The following ERBB4 variants were observed in gnomAD, a reference collection of about 807,000 sequenced individuals.
ERBB4 encodes the protein erb-b2 receptor tyrosine kinase 4, also known as receptor tyrosine-protein kinase erbB-4.
ERBB4 carries 42 observed loss-of-function variants against 158.0 expected under a neutral mutation model. That is an observed-to-expected ratio of 0.27 (90% CI 0.21 to 0.34). The LOEUF is 0.34. Among genes scored for constraint, ERBB4 ranks in the 10% least tolerant of loss-of-function variants. The pLI, the probability that ERBB4 is intolerant of heterozygous loss-of-function variation, is 1.00. For missense variants in ERBB4, 1,333 were observed against 1,624.1 expected (o/e 0.82, Z 3.08); for synonymous variants, 583 against 558.7 (o/e 1.04, Z -0.61).
At chr2:211,923,952 C>T (rs116722102) in intron 3 of ERBB4, among the ~76,000 whole-genome samples, 47 of 152,044 alleles carry the variant, frequency 3.1e-4, no homozygotes, top group Non-Finnish European at 5.6e-4. Context: ...GAACTCCTGG[C>T]CTCACTTGAT....
At chr2:212,156,321 A>G (rs6737841) in intron 1 of ERBB4, among the ~76,000 whole-genome samples, 1,536 of 152,220 alleles carry the variant, frequency 0.01, 10 homozygotes, top group Middle Eastern at 0.031. Context: ...TGACTTATTG[A>G]CCCAGTTCAT....
intron 4 of ERBB4, among the ~76,000 whole-genome samples, chr2:211,753,063 T>A (rs2106215982): frequency 6.6e-6 from 1 of 152,368 alleles, no homozygotes; most frequent in Middle Eastern, 3.4e-3. Flanking sequence ...TTAGTTTTAC[T>A]CTTCAAAATG....
chr2:211,488,206 A>G (rs1407913434), intron 20 of ERBB4, among the ~76,000 whole-genome samples: 1 of 152,122 alleles, frequency 6.6e-6, no homozygotes, highest in Non-Finnish European at 1.5e-5. Context: ...CCAATACTCA[A>G]CGGAATGGCT....
chr2:211,665,691 T>C (rs1157834287), intron 14 of ERBB4, among the ~76,000 whole-genome samples: 4 of 152,220 alleles, frequency 2.6e-5, no homozygotes, highest in Non-Finnish European at 5.9e-5. Context: ...ATATCCTGTA[T>C]GTGTGAAAAC....
Position 211,943,057 on chromosome 2 carries a change from C to T in ERBB4, c.421+4373G>A, listed in dbSNP as rs142270790. Among the ~76,000 whole-genome samples the T allele has an allele frequency of 3.8e-3, 583 of 151,942 alleles. 7 individuals are homozygous for T. Among genetic ancestry groups the T allele is most frequent in the African/African-American group, 0.013 (544 of 41,440 alleles). ...ATAAGAACTTAAGTATTTATCTTCC[C>T]ATTTGGGATATAAATAGATATAAAC... On this transcript the variant is annotated intron_variant, in intron 3 of 27. Coordinates refer to ENST00000342788, the MANE Select transcript of ERBB4 (RefSeq NM_005235.3).
intron 2 of ERBB4, among the ~76,000 whole-genome samples, chr2:211,950,621 A>G (rs2080848424): frequency 6.6e-6 from 1 of 152,144 alleles, no homozygotes; most frequent in Non-Finnish European, 1.5e-5. Context: ...TCAATAGAAG[A>G]GTAGAATCCT....
In ERBB4 at chr2:211,750,364, G is replaced by C. The variant is rs116106280; in HGVS notation, c.622+275C>G. Among the ~76,000 whole-genome samples the C allele has an allele frequency of 7.7e-3, 1,165 of 152,274 alleles. 21 individuals are homozygous for C. Among genetic ancestry groups the C allele is most frequent in the Middle Eastern group, 0.048 (14 of 294 alleles). ...GTACACATTGGATTTCCCACTTCTA[G>C]TGATGTAAAAACTCTAAAGTTATAG... is the stretch of plus-strand genomic sequence containing the variant. On this transcript the variant is annotated intron_variant, in intron 5 of 27. Coordinates refer to ENST00000342788, the MANE Select transcript of ERBB4 (RefSeq NM_005235.3).
At chr2:211,404,091 C>T (rs2063099808) in intron 25 of ERBB4, among the ~76,000 whole-genome samples, 1 of 151,846 alleles carries the variant, frequency 6.6e-6, no homozygotes, top group Non-Finnish European at 1.5e-5. Context: ...TTACTTATAC[C>T]CCATTATCCT....
At chr2:212,349,813 A>G (rs1268007724) in intron 1 of ERBB4, among the ~76,000 whole-genome samples, 1 of 152,112 alleles carries the variant, frequency 6.6e-6, no homozygotes, top group Non-Finnish European at 1.5e-5. Context: ...ACTATATCTT[A>G]TAGTTGCTCT....
intron 20 of ERBB4, among the ~76,000 whole-genome samples, chr2:211,504,084 C>G (rs1487440432): frequency 2.0e-5 from 3 of 152,134 alleles, no homozygotes; most frequent in African/African-American, 7.2e-5. Flanking sequence ...TTTGCAACTT[C>G]TGCTAACATC....
chr2:211,716,355 T>C (rs1575038870), intron 7 of ERBB4, among the ~76,000 whole-genome samples: 1 of 70,806 alleles, frequency 1.4e-5, no homozygotes, highest in African/African-American at 7.2e-5. Context: ...ACAGTGAAAC[T>C]CTGTCTCAAA....
chr2:211,429,915 C>T lies in ERBB4; in HGVS notation c.2643+1030G>A, dbSNP rs563445866. Among the ~76,000 whole-genome samples, 10 of 152,250 alleles carry T rather than the reference C, an allele frequency of 6.6e-5. No individual in the cohort carries two copies. The South Asian group carries it at 1.9e-3, about 28-fold the overall frequency. ...TCTTATGTCTCAAATCTTATGTTCT[C>T]AAGACAAGTGAAGCCATGTGATTTA... On this transcript the variant is annotated intron_variant, in intron 21 of 27. Transcript: ENST00000342788.
chr2:212,409,564 T>G (rs1029656254), intron 1 of ERBB4, among the ~76,000 whole-genome samples: 1 of 152,272 alleles, frequency 6.6e-6, no homozygotes, highest in Non-Finnish European at 1.5e-5. Flanking sequence ...TTATTCAAAG[T>G]GCATGTTCTT....
intron 3 of ERBB4, among the ~76,000 whole-genome samples, chr2:211,838,282 A>G (rs140197846): frequency 5.9e-5 from 9 of 152,136 alleles, no homozygotes; most frequent in Non-Finnish European, 1.3e-4. Context: ...ATCCTATCTG[A>G]AAGTTATCCA....
chr2:211,523,863 C>T (rs2066259601), intron 20 of ERBB4, among the ~76,000 whole-genome samples: 1 of 152,124 alleles, frequency 6.6e-6, no homozygotes, highest in Non-Finnish European at 1.5e-5. Flanking sequence ...CACCCACGTC[C>T]TGCTGATTGG....
At chr2:212,331,071 T>TATATATACAC (rs147932949) in intron 1 of ERBB4, among the ~76,000 whole-genome samples, 2 of 120,024 alleles carry the variant, frequency 1.7e-5, no homozygotes, top group African/African-American at 5.6e-5. Context: ...TATATATATA[T>TATATATACAC]ACACATATAT....
chr2:211,399,089 A>G (rs562411128), intron 25 of ERBB4, among the ~76,000 whole-genome samples: 1 of 152,278 alleles, frequency 6.6e-6, no homozygotes, highest in African/African-American at 2.4e-5. Context: ...CTTTGCCTTG[A>G]TTACATCGTG....
intron 3 of ERBB4, among the ~76,000 whole-genome samples, chr2:211,805,360 C>T (rs1023301176): frequency 2.0e-5 from 3 of 151,720 alleles, no homozygotes; most frequent in Admixed American, 6.6e-5. Context: ...ATCAAATATC[C>T]GAGGGTAATG....
At chr2:211,418,382 C>T (rs966175924) in intron 25 of ERBB4, among the ~76,000 whole-genome samples, 1 of 152,046 alleles carries the variant, frequency 6.6e-6, no homozygotes, top group African/African-American at 2.4e-5. Flanking sequence ...TTTTAAATGC[C>T]TGAACATAAA....
Sources: gnomAD v4.1 joint callset for allele counts (sites outside exome capture counted in the v4.1 genomes callset) on GRCh38, gnomAD v4.1.1 for gene constraint, MANE v1.5 for transcripts, NCBI Gene and HGNC (gene_info 2026-07-23, HGNC 2026-07-21) for gene names.